NEK7: variants seen among roughly 807,000 people sequenced by gnomAD.
NEK7 encodes the protein serine/threonine-protein kinase Nek7.
A neutral mutation model predicts 44.6 loss-of-function variants in NEK7; 18 were observed. That is an observed-to-expected ratio of 0.40 (90% CI 0.28 to 0.60). NEK7 has a LOEUF of 0.60. NEK7 is among the 20% of genes least tolerant of loss of function. The probability of loss-of-function intolerance (pLI) is 0.38; values close to 1 mark genes in which losing one functional copy is unlikely to be tolerated. For synonymous variants in NEK7, 130 were observed against 121.1 expected, an observed-to-expected ratio of 1.07 and a Z score of -0.48; for missense variants, 256 against 366.5, an observed-to-expected ratio of 0.70 and a Z score of 2.46.
intron 3 of NEK7, chr1:198,256,520 A>G: frequency 6.5e-7 from 1 of 1,530,688 alleles, no homozygotes; most frequent in Non-Finnish European, 8.8e-7. Context: ...AACAATTTTG[A>G]AATTCTCTGT....
At chr1:198,254,911 G>T (rs1047512400) in intron 3 of NEK7, among the ~76,000 whole-genome samples, 1 of 152,132 alleles carries the variant, frequency 6.6e-6, no homozygotes, top group Non-Finnish European at 1.5e-5. Context: ...CCTTACAAAA[G>T]AACTCTGATT....
At chr1:198,309,896 A>G (rs891308516) in intron 9 of NEK7, among the ~76,000 whole-genome samples, 20 of 152,182 alleles carry the variant, frequency 1.3e-4, no homozygotes, top group Non-Finnish European at 2.9e-5. Flanking sequence ...TAATGCCGCA[A>G]TAAACATAAG....
intron 7 of NEK7, among the ~76,000 whole-genome samples, chr1:198,285,912 G>T (rs1320051207): frequency 6.6e-6 from 1 of 151,986 alleles, no homozygotes; most frequent in Non-Finnish European, 1.5e-5. Flanking sequence ...GGGTGGTAGT[G>T]GTGAATGAAG....
At chr1:198,299,843 TAAA>T (rs1459316757) in intron 9 of NEK7, among the ~76,000 whole-genome samples, 1 of 152,198 alleles carries the variant, frequency 6.6e-6, no homozygotes, top group Non-Finnish European at 1.5e-5. Context: ...ACCTAGAGTT[TAAA>T]AGCTTGGGAT....
At chr1:198,169,569 T>A (rs1312457203) in intron 1 of NEK7, among the ~76,000 whole-genome samples, 2 of 149,336 alleles carry the variant, frequency 1.3e-5, no homozygotes, top group African/African-American at 2.5e-5. Flanking sequence ...TACATTTTAG[T>A]CATATCTAAC....
intron 9 of NEK7, among the ~76,000 whole-genome samples, chr1:198,301,121 A>C (rs370800049): frequency 2.6e-5 from 4 of 152,214 alleles, no homozygotes; most frequent in African/African-American, 9.6e-5. Flanking sequence ...ATACTGTTAA[A>C]ATGTCAGCAT....
chr1:198,308,785 C>A (rs1655088115), intron 9 of NEK7, among the ~76,000 whole-genome samples: 1 of 152,172 alleles, frequency 6.6e-6, no homozygotes, highest in Admixed American at 6.5e-5. Flanking sequence ...CTTTCACACA[C>A]ATCATACTTT....
At chr1:198,301,475 A>C (rs937334182) in intron 9 of NEK7, among the ~76,000 whole-genome samples, 1 of 152,226 alleles carries the variant, frequency 6.6e-6, no homozygotes, top group Admixed American at 6.5e-5. Context: ...GCGTGAACCC[A>C]GGAGGCAGAA....
chr1:198,268,144 A>AC (rs1171762715), intron 5 of NEK7, among the ~76,000 whole-genome samples: 2 of 131,826 alleles, frequency 1.5e-5, no homozygotes, highest in Non-Finnish European at 3.2e-5. Flanking sequence ...TCAGTCCTTG[A>AC]CTTTTTTTTT....
chr1:198,241,270 C>T (rs1408934574), intron 2 of NEK7, among the ~76,000 whole-genome samples: 1 of 152,138 alleles, frequency 6.6e-6, no homozygotes, highest in Admixed American at 6.5e-5. Context: ...TTTCACATAG[C>T]TTTCTCACTA....
At chr1:198,271,905 T>TTTTCTA (rs751259588) in intron 5 of NEK7, among the ~76,000 whole-genome samples, 1 of 141,398 alleles carries the variant, frequency 7.1e-6, no homozygotes. Flanking sequence ...AATTTATATT[T>TTTTCTA]TATATATATA....
intron 9 of NEK7, among the ~76,000 whole-genome samples, chr1:198,309,682 G>T (rs1305908443): frequency 1.3e-5 from 2 of 151,454 alleles, no homozygotes; most frequent in African/African-American, 4.9e-5. Context: ...CTATGAGTGA[G>T]AATATGCGGT....
chr1:198,207,703 CAG>C (rs1197982593), intron 1 of NEK7, among the ~76,000 whole-genome samples: 1 of 152,082 alleles, frequency 6.6e-6, no homozygotes, highest in African/African-American at 2.4e-5. Flanking sequence ...TGAAAGGACA[CAG>C]GGGACTTGTA....
intron 1 of NEK7, among the ~76,000 whole-genome samples, chr1:198,210,658 CATT>C (rs1175376878): frequency 6.8e-6 from 1 of 146,268 alleles, no homozygotes; most frequent in African/African-American, 2.5e-5. Flanking sequence ...CCTATGTAAA[CATT>C]ATATATACTT....
chr1:198,218,076 C>T (rs1156505728), intron 1 of NEK7, among the ~76,000 whole-genome samples: 1 of 151,766 alleles, frequency 6.6e-6, no homozygotes, highest in South Asian at 2.1e-4. Context: ...AAACAATCCT[C>T]AAATTTATAT....
At chr1:198,162,586 T>A (rs762598653) in intron 1 of NEK7, among the ~76,000 whole-genome samples, 1 of 152,128 alleles carries the variant, frequency 6.6e-6, no homozygotes, top group African/African-American at 2.4e-5. Flanking sequence ...ACTTCTCTAT[T>A]CTTAGGACCT....
At position 198,320,922 on chromosome 1, in the gene NEK7, G is replaced by T. The variant is rs1234707546; in HGVS notation, c.*1400G>T. ...TGGGCAGAATTTCGTAAATGCTGTTGTGCAGATGTGTTTTCCCTGAATGCT... is the reference window on the plus strand; with the variant it reads ...TGGGCAGAATTTCGTAAATGCTGTTTTGCAGATGTGTTTTCCCTGAATGCT... On this transcript the variant is annotated 3_prime_UTR_variant, in exon 10 of 10. Coordinates refer to ENST00000367385, the MANE Select transcript of NEK7 (RefSeq NM_133494.3). 1 of 152,292 alleles carries T rather than the reference G, an allele frequency of 6.6e-6. No individual in the cohort carries two copies. The highest frequency in any genetic ancestry group is 1.5e-5 in the Non-Finnish European group (1 of 68,030). 9.4% of individuals were successfully genotyped at this position (152,292 alleles called of 1,614,324 possible). A position where few individuals can be genotyped will look rare whatever the true frequency, so the allele number is the denominator to read the frequency against.
intron 5 of NEK7, 37 bp downstream of exon 5, chr1:198,264,272 G>GTT: frequency 1.1e-5 from 16 of 1,416,994 alleles, no homozygotes; most frequent in East Asian, 2.4e-5. Context: ...GTTTTGTTTT[G>GTT]TTTTTTTTTC....
chr1:198,163,962 T>C (rs1664185963), intron 1 of NEK7, among the ~76,000 whole-genome samples: 2 of 152,184 alleles, frequency 1.3e-5, no homozygotes, highest in Non-Finnish European at 2.9e-5. Context: ...AGCTGTTGGC[T>C]GGGCACTGTG....
Sources: gnomAD v4.1 joint callset for allele counts (sites outside exome capture counted in the v4.1 genomes callset) on GRCh38, gnomAD v4.1.1 for gene constraint, MANE v1.5 for transcripts, NCBI Gene and HGNC (gene_info 2026-07-23, HGNC 2026-07-21) for gene names.